The following HACD2 variants were observed in gnomAD, a reference collection of about 807,000 sequenced individuals.
HACD2 encodes 3-hydroxyacyl-CoA dehydratase 2.
In HACD2, 15 loss-of-function variants were observed where a neutral mutation model predicts 31.0. The observed-to-expected ratio is 0.48, with a 90% CI of 0.32 to 0.75. The LOEUF (loss-of-function observed/expected upper bound fraction) is 0.75, where lower values mean the gene tolerates loss of function less well. Among genes scored for constraint, HACD2 ranks in the 30% least tolerant of loss-of-function variants. The pLI is 0.03. For missense variants in HACD2, 283 were observed against 313.0 expected, an observed-to-expected ratio of 0.90 and a Z score of 0.72; for synonymous variants, 115 against 122.2, an observed-to-expected ratio of 0.94 and a Z score of 0.39.
At chr3:123,570,611 C>T (rs1312776372) in intron 2 of HACD2, among the ~76,000 whole-genome samples, 1 of 152,104 alleles carries the variant, frequency 6.6e-6, no homozygotes, top group African/African-American at 2.4e-5. Flanking sequence ...TATAAAGTGT[C>T]AAAATAATCT....
intron 2 of HACD2, among the ~76,000 whole-genome samples, chr3:123,577,620 C>CA (rs35024817): frequency 0.11 from 9,585 of 90,146 alleles, 1,134 homozygotes; most frequent in African/African-American, 0.28. Context: ...GACTCTGTCT[C>CA]AAAAAAAAAA....
rs1217416267 is a variant in HACD2 at position 123,497,256 on chromosome 3, C to G, written c.683-2286G>C. Among the ~76,000 whole-genome samples, 52 of 152,230 alleles carry G rather than the reference C, an allele frequency of 3.4e-4. 1 individual carries two copies. The highest frequency in any genetic ancestry group is 3.4e-3 in the Admixed American group (52 of 15,280). Reference sequence around the variant, plus strand: ...GAGGAATAGCACTGAAAAAACCCCTCAACCCGACAACAGGCTATTGAGAAT... The same window carrying G: ...GAGGAATAGCACTGAAAAAACCCCTGAACCCGACAACAGGCTATTGAGAAT... On this transcript the variant is annotated intron_variant, in intron 6 of 6. Transcript: ENST00000383657.
chr3:123,564,292 C>T (rs552576678), intron 3 of HACD2, among the ~76,000 whole-genome samples: 1 of 152,282 alleles, frequency 6.6e-6, no homozygotes, highest in African/African-American at 2.4e-5. Flanking sequence ...ATGCATATCT[C>T]ATGCCATGAG....
intron 3 of HACD2, among the ~76,000 whole-genome samples, chr3:123,538,919 A>G (rs1037545066): frequency 1.3e-5 from 2 of 152,366 alleles, no homozygotes; most frequent in Admixed American, 6.5e-5. Context: ...CAACTGGAGA[A>G]TAAAGCAGCT....
chr3:123,511,259 A>G (rs2107689828), intron 4 of HACD2, among the ~76,000 whole-genome samples: 1 of 152,314 alleles, frequency 6.6e-6, no homozygotes, highest in Middle Eastern at 3.4e-3. Flanking sequence ...ACAGACAAGT[A>G]AAGTGAGGTT....
At chr3:123,496,249 C>T (rs1474370283) in intron 6 of HACD2, among the ~76,000 whole-genome samples, 1 of 152,140 alleles carries the variant, frequency 6.6e-6, no homozygotes, top group Non-Finnish European at 1.5e-5. Flanking sequence ...TCTGGAACCC[C>T]TGGGGTCAAG....
At chr3:123,529,404 T>C (rs2056325056) in intron 3 of HACD2, among the ~76,000 whole-genome samples, 1 of 152,092 alleles carries the variant, frequency 6.6e-6, no homozygotes, top group Non-Finnish European at 1.5e-5. Flanking sequence ...ACCTGGCAGT[T>C]AGTTATATCT....
At chr3:123,524,744 C>A (rs2056258130) in intron 4 of HACD2, among the ~76,000 whole-genome samples, 2 of 152,228 alleles carry the variant, frequency 1.3e-5, no homozygotes, top group East Asian at 1.9e-4. Context: ...GCCTCAGCCT[C>A]CCAAAGTGCT....
intron 2 of HACD2, among the ~76,000 whole-genome samples, chr3:123,580,153 T>A: frequency 1.4e-5 from 2 of 140,380 alleles, no homozygotes; most frequent in African/African-American, 2.7e-5. Context: ...GGCAACAGAG[T>A]AAGGCCCTGT....
At chr3:123,567,320 T>G (rs1400310033) in intron 3 of HACD2, among the ~76,000 whole-genome samples, 2 of 152,236 alleles carry the variant, frequency 1.3e-5, no homozygotes, top group African/African-American at 4.8e-5. Flanking sequence ...TACGTAGTAC[T>G]TCTTTAATCC....
At chr3:123,535,625 A>G (rs2056416283) in intron 3 of HACD2, among the ~76,000 whole-genome samples, 1 of 152,224 alleles carries the variant, frequency 6.6e-6, no homozygotes, top group Non-Finnish European at 1.5e-5. Flanking sequence ...GAGAAATACA[A>G]ATTTCTGGAT....
intron 3 of HACD2, among the ~76,000 whole-genome samples, chr3:123,544,999 A>C (rs1377971139): frequency 3.9e-4 from 53 of 137,428 alleles, no homozygotes; most frequent in African/African-American, 1.4e-3. Flanking sequence ...GCTTGAGCCC[A>C]GGAGGTCGAA....
At chr3:123,569,938 G>A (rs929821609) in intron 2 of HACD2, among the ~76,000 whole-genome samples, 1 of 137,946 alleles carries the variant, frequency 7.2e-6, no homozygotes, top group Non-Finnish European at 1.5e-5. Flanking sequence ...GCAGTGAGCC[G>A]AGATTGCGCC....
chr3:123,545,303 G>A (rs1208172222), intron 3 of HACD2, among the ~76,000 whole-genome samples: 5 of 150,354 alleles, frequency 3.3e-5, no homozygotes, highest in Non-Finnish European at 7.4e-5. Flanking sequence ...TCAACATGGC[G>A]AAACCCCGTC....
chr3:123,563,644 TACACACACAC>T (rs58761061), intron 3 of HACD2, among the ~76,000 whole-genome samples: 2,615 of 112,058 alleles, frequency 0.023, 183 homozygotes, highest in Admixed American at 0.15. Flanking sequence ...AAAATATATA[TACACACACAC>T]ACACACACAC....
chr3:123,502,104 A>G (rs915761534), intron 5 of HACD2, among the ~76,000 whole-genome samples: 7 of 152,248 alleles, frequency 4.6e-5, no homozygotes. Context: ...ACTGACATGT[A>G]ATGTTTGTCA....
intron 4 of HACD2, among the ~76,000 whole-genome samples, chr3:123,503,708 CAAAAA>C (rs398038348): frequency 3.1e-5 from 3 of 97,450 alleles, no homozygotes; most frequent in Non-Finnish European, 2.3e-5. Context: ...TTCCATGCAT[CAAAAA>C]AAAAAAAAAA....
intron 4 of HACD2, among the ~76,000 whole-genome samples, chr3:123,513,518 C>T (rs1053894648): frequency 4.6e-5 from 7 of 152,100 alleles, no homozygotes; most frequent in South Asian, 2.1e-4. Flanking sequence ...TATCAGGGAA[C>T]GCTGAATGGA....
chr3:123,536,986 C>T (rs2056434118), intron 3 of HACD2, among the ~76,000 whole-genome samples: 1 of 152,118 alleles, frequency 6.6e-6, no homozygotes, highest in Non-Finnish European at 1.5e-5. Context: ...ATAAAGAACT[C>T]AGGAATGGAG....
Sources: gnomAD v4.1 joint callset for allele counts (sites outside exome capture counted in the v4.1 genomes callset) on GRCh38, gnomAD v4.1.1 for gene constraint, MANE v1.5 for transcripts, NCBI Gene and HGNC (gene_info 2026-07-23, HGNC 2026-07-21) for gene names.